The following SMYD3 variants were observed in gnomAD, a reference collection of about 807,000 sequenced individuals.
SMYD3 encodes histone-lysine N-methyltransferase SMYD3.
A neutral mutation model predicts 57.7 loss-of-function variants in SMYD3; 36 were observed. The ratio of observed to expected loss-of-function variants is 0.62; its 90% CI spans 0.48 to 0.82. The LOEUF (loss-of-function observed/expected upper bound fraction) is 0.82. SMYD3 is among the 40% of genes least tolerant of loss of function. The pLI is 0.00. For synonymous variants in SMYD3, 211 were observed against 195.0 expected (o/e 1.08, Z -0.68); for missense variants, 515 against 538.8 (o/e 0.96, Z 0.44).
rs1219912113 is a variant in SMYD3, at chr1:246,202,213, CAG to C, written c.531+124986_531+124987del. The stretch of plus-strand genomic sequence containing the variant: ...TTGAAATATTTTTAATTTAAAAAAA[CAG>C]TGACATATACATATCAGTCCTTTTA... On this transcript the variant is annotated intron_variant, in intron 5 of 11. Coordinates refer to ENST00000490107, the MANE Select transcript of SMYD3 (RefSeq NM_001167740.2). This position sits in a 1 kb window ranked among gnomAD's most constrained non-coding sequence, Gnocchi z 4.1. Among the ~76,000 whole-genome samples the C allele has an allele frequency of 6.6e-6, 1 of 152,102 alleles. No homozygotes were observed. Among genetic ancestry groups the C allele is most frequent in the East Asian group, 1.9e-4 (1 of 5,180 alleles).
intron 5 of SMYD3, among the ~76,000 whole-genome samples, chr1:246,042,902 G>A (rs189977494): frequency 6.6e-6 from 1 of 152,188 alleles, no homozygotes; most frequent in East Asian, 1.9e-4. Flanking sequence ...TTTTGTTGAG[G>A]CTATTTCCAG....
At chr1:246,348,692 C>T (rs986503597) in intron 2 of SMYD3, among the ~76,000 whole-genome samples, 1 of 152,122 alleles carries the variant, frequency 6.6e-6, no homozygotes, top group African/African-American at 2.4e-5. Flanking sequence ...ATACTCGAAA[C>T]CTCAGGATCA....
At chr1:246,226,544 G>A (rs1376257843) in intron 5 of SMYD3, among the ~76,000 whole-genome samples, 1 of 152,108 alleles carries the variant, frequency 6.6e-6, no homozygotes, top group Non-Finnish European at 1.5e-5. Flanking sequence ...CCCATTAACT[G>A]ACTAAAACTT....
At chr1:246,428,380 C>T (rs2067250617) in intron 1 of SMYD3, among the ~76,000 whole-genome samples, 1 of 152,006 alleles carries the variant, frequency 6.6e-6, no homozygotes, top group African/African-American at 2.4e-5. Context: ...AACAGATTTG[C>T]ATTAAAAAGA....
chr1:246,138,410 T>G (rs1408280820), intron 5 of SMYD3, among the ~76,000 whole-genome samples: 1 of 151,850 alleles, frequency 6.6e-6, no homozygotes, highest in Non-Finnish European at 1.5e-5. Context: ...TATAAACTAT[T>G]TTAAAAATTT....
chr1:246,239,556 T>C (rs1228092264), intron 5 of SMYD3, among the ~76,000 whole-genome samples: 1 of 152,230 alleles, frequency 6.6e-6, no homozygotes, highest in East Asian at 1.9e-4. Context: ...AACATACGTG[T>C]GCATGTGTCT....
chr1:246,370,259 T>C (rs2066172785), intron 1 of SMYD3, among the ~76,000 whole-genome samples: 1 of 152,140 alleles, frequency 6.6e-6, no homozygotes. Context: ...TTCTTGGAGA[T>C]GGCAATCAAG....
At chr1:246,327,093 AGGG>A in intron 5 of SMYD3, 105 bp downstream of exon 5, 1 of 1,323,116 alleles carries the variant, frequency 7.6e-7, no homozygotes, top group Non-Finnish European at 1.1e-6. Context: ...TAAGGCATTA[AGGG>A]TCTTGAATTT....
chr1:246,457,645 C>A (rs146481005), intron 1 of SMYD3, among the ~76,000 whole-genome samples: 2,555 of 152,034 alleles, frequency 0.017, 41 homozygotes, highest in Middle Eastern at 0.031. Context: ...TTGGCTGTAA[C>A]CAATACCTCC....
At chr1:245,864,417 A>G (rs2051715369) in intron 8 of SMYD3, among the ~76,000 whole-genome samples, 1 of 152,238 alleles carries the variant, frequency 6.6e-6, no homozygotes, top group Non-Finnish European at 1.5e-5. Context: ...AAAGTACTAC[A>G]TGCTACAACA....
chr1:246,110,307 T>C (rs758295290), intron 5 of SMYD3, among the ~76,000 whole-genome samples: 6 of 152,174 alleles, frequency 3.9e-5, no homozygotes, highest in Non-Finnish European at 8.8e-5. Flanking sequence ...ATTTAGATGA[T>C]CTCTTAAGTC....
At chr1:246,410,211 A>G (rs1156895920) in intron 1 of SMYD3, among the ~76,000 whole-genome samples, 3 of 152,174 alleles carry the variant, frequency 2.0e-5, no homozygotes, top group Admixed American at 1.3e-4. Flanking sequence ...CACTATATTG[A>G]ATAGGAGTGG....
intron 5 of SMYD3, among the ~76,000 whole-genome samples, chr1:246,082,971 A>C (rs2060661845): frequency 6.8e-6 from 1 of 146,424 alleles, no homozygotes; most frequent in African/African-American, 2.7e-5. Context: ...CAGGGGCACA[A>C]ACACTGCGGA....
intron 1 of SMYD3, among the ~76,000 whole-genome samples, chr1:246,377,895 T>A (rs977873944): frequency 6.6e-6 from 1 of 152,190 alleles, no homozygotes; most frequent in Non-Finnish European, 1.5e-5. Context: ...AGCCATATAA[T>A]GAGAGTTCCC....
chr1:246,457,936 T>A (rs2067728577), intron 1 of SMYD3, among the ~76,000 whole-genome samples: 1 of 152,204 alleles, frequency 6.6e-6, no homozygotes, highest in African/African-American at 2.4e-5. Flanking sequence ...AGCATAAACT[T>A]TCCTATAGTA....
At chr1:246,241,827 G>T (rs1277728616) in intron 5 of SMYD3, among the ~76,000 whole-genome samples, 3 of 152,146 alleles carry the variant, frequency 2.0e-5, no homozygotes, top group East Asian at 1.9e-4. Flanking sequence ...TTGGGAGAGT[G>T]TATCTGTCGA....
At chr1:245,931,730 G>T (rs1161711524) in intron 5 of SMYD3, among the ~76,000 whole-genome samples, 1 of 152,168 alleles carries the variant, frequency 6.6e-6, no homozygotes, top group Non-Finnish European at 1.5e-5. Context: ...AAAAAGTGAT[G>T]ACGAATTTCT....
At chr1:246,297,903 G>C (rs900218554) in intron 5 of SMYD3, among the ~76,000 whole-genome samples, 9 of 151,926 alleles carry the variant, frequency 5.9e-5, no homozygotes, top group African/African-American at 2.2e-4. Flanking sequence ...TTACTCTTTG[G>C]TTTCTGTTAA....
At chr1:245,931,583 T>G (rs914294181) in intron 5 of SMYD3, among the ~76,000 whole-genome samples, 2 of 151,748 alleles carry the variant, frequency 1.3e-5, no homozygotes, top group East Asian at 3.9e-4. Context: ...ACAAGAGGAG[T>G]TGCGCCTAGA....
Sources: allele counts gnomAD v4.1 joint callset (sites outside exome capture counted in the v4.1 genomes callset), GRCh38; gene constraint gnomAD v4.1.1; non-coding constraint Gnocchi (gnomAD v3.1); transcripts MANE v1.5; gene names NCBI Gene and HGNC (gene_info 2026-07-23, HGNC 2026-07-21).